The following DNAAF11 variants were observed in gnomAD, a reference collection of about 807,000 sequenced individuals.
The protein encoded by DNAAF11 is leucine rich repeat containing 6.
DNAAF11 carries 45 observed loss-of-function variants against 60.8 expected under a neutral mutation model. The observed-to-expected ratio is 0.74, with a 90% CI of 0.58 to 0.95. The LOEUF (loss-of-function observed/expected upper bound fraction) is 0.95, where lower values mean the gene tolerates loss of function less well. Among genes scored for constraint, DNAAF11 ranks in the 40% least tolerant of loss-of-function variants. The pLI is 0.00. For synonymous variants in DNAAF11, 191 were observed against 183.5 expected, an observed-to-expected ratio of 1.04 and a Z score of -0.33; for missense variants, 546 against 546.2, an observed-to-expected ratio of 1.00 and a Z score of 0.00.
chr8:132,595,468 C>G (rs1344229171), intron 10 of DNAAF11, among the ~76,000 whole-genome samples: 9 of 147,004 alleles, frequency 6.1e-5, no homozygotes, highest in Admixed American at 5.5e-4. Context: ...TGGGCCACAA[C>G]AAGAAGTCTG....
chr8:132,654,299 C>T lies in DNAAF11; in HGVS notation c.256+2531G>A, dbSNP rs536745427. ...AAAGCAAAAACTGACATTATTGACA[C>T]GAGCTAGGGACAATTCAACAATAAT... On this transcript the variant is annotated intron_variant, in intron 3 of 11. Coordinates refer to ENST00000620350, the MANE Select transcript of DNAAF11 (RefSeq NM_012472.6). 6.6e-5 allele frequency among the ~76,000 whole-genome samples: 10 copies of T among 151,996 alleles called. No homozygotes were observed. The South Asian group carries it at 1.2e-3, about 19-fold the overall frequency.
At position 132,661,747 on chromosome 8, in the gene DNAAF11, G is replaced by T. The variant is rs1409616803; in HGVS notation, c.11-120C>A. The T allele has an allele frequency of 2.0e-5, 20 of 983,046 alleles. 1 individual carries two copies. In the East Asian group the frequency reaches 4.6e-4, roughly 23 times the overall value. 60.9% of individuals were successfully genotyped at this position (983,046 alleles called of 1,614,324 possible). ...TTTGCAGTTGAATGTCAATTTTCCA[G>T]GCCCAAGCGATTTTCAAAGTGAGAG... On this transcript the variant is annotated intron_variant, in intron 1 of 11. Coordinates refer to ENST00000620350, the MANE Select transcript of DNAAF11 (RefSeq NM_012472.6).
At chr8:132,633,000 A>C (rs776650837) in intron 4 of DNAAF11, 37 bp from the exon 5 acceptor site, 2 of 1,449,824 alleles carry the variant, frequency 1.4e-6, no homozygotes, top group Non-Finnish European at 1.9e-6. Context: ...CAATTGTTCA[A>C]AAGTAGCAGT....
upstream of DNAAF11, among the ~76,000 whole-genome samples, chr8:132,678,364 T>C (rs888359035): frequency 6.6e-6 from 1 of 152,196 alleles, no homozygotes; most frequent in African/African-American, 2.4e-5. Flanking sequence ...AACTAATCAA[T>C]GTTATTTCTG....
At chr8:132,669,077 T>C (rs1054941783) in intron 1 of DNAAF11, among the ~76,000 whole-genome samples, 4 of 152,168 alleles carry the variant, frequency 2.6e-5, no homozygotes, top group Non-Finnish European at 4.4e-5. Flanking sequence ...TTAGATCTCC[T>C]GGTTGGTTTC....
the DNAAF11 span, among the ~76,000 whole-genome samples, chr8:132,698,495 C>G: frequency 6.6e-6 from 1 of 152,220 alleles, no homozygotes; most frequent in South Asian, 2.1e-4. Context: ...AATCATCACA[C>G]CAGAGAATTT....
At chr8:132,600,225 GGACCTC>G (rs1817466284) in intron 10 of DNAAF11, among the ~76,000 whole-genome samples, 1 of 152,042 alleles carries the variant, frequency 6.6e-6, no homozygotes, top group African/African-American at 2.4e-5. Flanking sequence ...GGGATGTGAA[GGACCTC>G]TTCAAGGAGA....
chr8:132,661,782 T>C, intron 1 of DNAAF11, 155 bp from the exon 2 acceptor site: 1 of 727,424 alleles, frequency 1.4e-6, no homozygotes, highest in East Asian at 2.7e-5. Flanking sequence ...GAGAAAATGG[T>C]ACCTCCTCCT....
At chr8:132,656,940 AATC>A in intron 2 of DNAAF11, 33 bp from the exon 3 acceptor site, 1 of 746,660 alleles carries the variant, frequency 1.3e-6, no homozygotes, top group Non-Finnish European at 2.2e-6. Context: ...TAAGATAATT[AATC>A]TTCAAAATAA....
chr8:132,695,480 C>T, the DNAAF11 span, among the ~76,000 whole-genome samples: 1 of 152,080 alleles, frequency 6.6e-6, no homozygotes, highest in Non-Finnish European at 1.5e-5. Flanking sequence ...GGAACAGATG[C>T]CCGTAGGTGG....
rs1173895749 is a variant in DNAAF11, at chr8:132,572,488, A to G, written c.1227-8T>C. ...TTCTCCATGTGCTTGCTTCTATAAC[A>G]ACAAAAAAAGACAAACAGAAACTGA... On this transcript the variant is annotated splice_region_variant and splice_polypyrimidine_tract_variant and intron_variant, in intron 11 of 11. Transcript: ENST00000620350. The G allele has an allele frequency of 6.4e-7, 1 of 1,570,084 alleles. No individual in the cohort carries two copies. The highest frequency in any genetic ancestry group is 1.2e-5 in the South Asian group (1 of 83,414).
chr8:132,613,940 A>C (rs1403150422), intron 8 of DNAAF11, among the ~76,000 whole-genome samples: 2 of 152,060 alleles, frequency 1.3e-5, no homozygotes, highest in Non-Finnish European at 2.9e-5. Flanking sequence ...CATGCATGTC[A>C]ATGTCATACT....
At chr8:132,592,602 T>C (rs1173589909) in intron 10 of DNAAF11, among the ~76,000 whole-genome samples, 1 of 152,126 alleles carries the variant, frequency 6.6e-6, no homozygotes, top group African/African-American at 2.4e-5. Context: ...ACAGGCTTTA[T>C]AAAAGGAGAA....
chr8:132,606,768 C>T (rs548103352), intron 10 of DNAAF11, among the ~76,000 whole-genome samples: 7 of 152,192 alleles, frequency 4.6e-5, no homozygotes, highest in South Asian at 2.1e-4. Flanking sequence ...CCTTCCAAAG[C>T]GCTGAGATTA....
At chr8:132,616,148 T>G (rs1819128579) in intron 7 of DNAAF11, among the ~76,000 whole-genome samples, 1 of 152,190 alleles carries the variant, frequency 6.6e-6, no homozygotes, top group Non-Finnish European at 1.5e-5. Flanking sequence ...CTGCTTCCCC[T>G]TTATTCCTAG....
the DNAAF11 span, among the ~76,000 whole-genome samples, chr8:132,693,033 A>C: frequency 1.3e-5 from 2 of 152,226 alleles, no homozygotes; most frequent in Non-Finnish European, 2.9e-5. Flanking sequence ...ACCACATCAC[A>C]ACCTGGTGAC....
At chr8:132,694,781 A>G in the DNAAF11 span, among the ~76,000 whole-genome samples, 2 of 152,152 alleles carry the variant, frequency 1.3e-5, no homozygotes, top group Non-Finnish European at 2.9e-5. Context: ...TGCATGAGAA[A>G]CAGAGGTCCA....
chr8:132,675,746 A>T, upstream of DNAAF11: 1 of 410,948 alleles, frequency 2.4e-6, no homozygotes, highest in Non-Finnish European at 4.3e-6. Flanking sequence ...TCCTCGTCGC[A>T]CTTCCGACTT....
intron 7 of DNAAF11, among the ~76,000 whole-genome samples, chr8:132,620,586 C>T (rs544206674): frequency 1.3e-4 from 20 of 152,266 alleles, no homozygotes; most frequent in East Asian, 3.9e-4. Context: ...CTGCCTGCCT[C>T]GGTCTCCCAA....
Sources: gnomAD v4.1 joint callset for allele counts (sites outside exome capture counted in the v4.1 genomes callset) on GRCh38, gnomAD v4.1.1 for gene constraint, MANE v1.5 for transcripts, NCBI Gene and HGNC (gene_info 2026-07-23, HGNC 2026-07-21) for gene names.